KDM6A: variants seen among roughly 807,000 people sequenced by gnomAD.
KDM6A encodes lysine demethylase 6A, also known as lysine-specific demethylase 6A.
A neutral mutation model predicts 117.6 loss-of-function variants in KDM6A; 11 were observed. The ratio of observed to expected loss-of-function variants is 0.09; its 90% CI spans 0.06 to 0.15. The LOEUF is 0.15. KDM6A is among the 10% of genes least tolerant of loss of function. KDM6A has a pLI of 1.00. For synonymous variants in KDM6A, 384 were observed against 396.1 expected, an observed-to-expected ratio of 0.97 and a Z score of 0.36; for missense variants, 799 against 1,077.3, an observed-to-expected ratio of 0.74 and a Z score of 3.62.
At chrX:44,893,419 T>A (rs1419325685) in intron 2 of KDM6A, among the ~76,000 whole-genome samples, 2 of 111,640 alleles carry the variant, frequency 1.8e-5, no homozygotes, top group Non-Finnish European at 3.8e-5. Context: ...ATTTTAAATG[T>A]AAATTTCCAG....
rs2031164445 is a variant in KDM6A, at chrX:44,874,001, G to T, written c.225+14G>T. ...CTACTGGGCAAGGTAAGGCAGCTGC[G>T]AGTCGGAGCGCGGACACCGTCTCCC... On this transcript the variant is annotated intron_variant, in intron 2 of 29. Transcript: ENST00000611820. The T allele has an allele frequency of 8.3e-7, 1 of 1,201,659 alleles. No individual in the cohort carries two copies. Among genetic ancestry groups the T allele is most frequent in the East Asian group, 3.0e-5 (1 of 33,627 alleles).
chrX:44,884,465 G>C (rs747296994), intron 2 of KDM6A, among the ~76,000 whole-genome samples: 15 of 111,745 alleles, frequency 1.3e-4, no homozygotes, highest in African/African-American at 4.5e-4. Context: ...TGATCCTTGG[G>C]CAAGCAAGCA....
At chrX:45,040,843 C>T (rs1258831518) in intron 8 of KDM6A, among the ~76,000 whole-genome samples, 12 of 82,354 alleles carry the variant, frequency 1.5e-4, no homozygotes, top group Admixed American at 3.5e-4. Flanking sequence ...ACCTCCCTCC[C>T]GGACTGGGCG....
At chrX:45,083,079 C>T (rs777229383) in intron 23 of KDM6A, among the ~76,000 whole-genome samples, 1 of 110,482 alleles carries the variant, frequency 9.1e-6, no homozygotes, top group South Asian at 3.8e-4. Context: ...TTGTGAGCCA[C>T]TGCACCCTGC....
chrX:45,104,221 T>G (rs1422932552), intron 27 of KDM6A, among the ~76,000 whole-genome samples: 3 of 111,562 alleles, frequency 2.7e-5, no homozygotes, highest in African/African-American at 9.8e-5. Flanking sequence ...ACGGGGTTTC[T>G]CCATGTTGGT....
At chrX:44,874,108 G>T (rs1030129368) in intron 2 of KDM6A, 121 bp downstream of exon 2, 1 of 650,349 alleles carries the variant, frequency 1.5e-6, no homozygotes, top group East Asian at 3.5e-5. Flanking sequence ...GGGGCTTCCG[G>T]AAACTATTTC....
chrX:44,940,640 C>A lies in KDM6A; in HGVS notation c.226-20644C>A, dbSNP rs940082170. On this transcript the variant is annotated intron_variant, in intron 2 of 29. Coordinates refer to ENST00000611820, the MANE Select transcript of KDM6A (RefSeq NM_001291415.2). Reference sequence around the variant, plus strand: ...AGACATATTTTGTCATTCATTCTTTCGAGTCAAAGTGATGCTCCATGAAAA... The same window carrying A: ...AGACATATTTTGTCATTCATTCTTTAGAGTCAAAGTGATGCTCCATGAAAA... Among the ~76,000 whole-genome samples, 284 of 111,771 alleles carry A rather than the reference C, an allele frequency of 2.5e-3. 2 individuals carry two copies. The highest frequency in any genetic ancestry group is 9.1e-3 in the African/African-American group (280 of 30,791).
intron 2 of KDM6A, among the ~76,000 whole-genome samples, chrX:44,921,980 T>C (rs184594291): frequency 9.6e-6 from 1 of 104,377 alleles, no homozygotes; most frequent in East Asian, 3.0e-4. Flanking sequence ...GTTTTTTTAA[T>C]TTTAGTCATT....
Position 44,932,883 on chromosome X carries a change from TTTTC to T in KDM6A, c.226-28393_226-28390del, listed in dbSNP as rs1225766570. Among the ~76,000 whole-genome samples the T allele has an allele frequency of 2.8e-5, 3 of 105,592 alleles. No individual in the cohort carries two copies. The Admixed American group carries it at 3.0e-4, about 11-fold the overall frequency. 91.7% of individuals were successfully genotyped at this position (105,592 alleles called of 115,157 possible). A position where few individuals can be genotyped will look rare whatever the true frequency, so the allele number is the denominator to read the frequency against. On this transcript the variant is annotated intron_variant, in intron 2 of 29. Coordinates refer to ENST00000611820, the MANE Select transcript of KDM6A (RefSeq NM_001291415.2). ...TTTGGTATTTGCTTCTGTATTTCTT[TTTTC>T]TTTCTTTTTTTTTTTTTGAGATGGA...
chrX:44,970,409 A>AT (rs1429475693), intron 3 of KDM6A, among the ~76,000 whole-genome samples: 1 of 110,869 alleles, frequency 9.0e-6, no homozygotes, highest in Non-Finnish European at 1.9e-5. Context: ...TTTCTCTTTA[A>AT]TTTTTTATTT....
intron 27 of KDM6A, among the ~76,000 whole-genome samples, chrX:45,093,411 A>C (rs935151222): frequency 2.8e-4 from 31 of 109,249 alleles, no homozygotes; most frequent in African/African-American, 1.0e-3. Context: ...CAAAAAAAAA[A>C]CGGATCTAAT....
At chrX:44,965,835 T>C (rs1437244964) in intron 3 of KDM6A, among the ~76,000 whole-genome samples, 1 of 112,534 alleles carries the variant, frequency 8.9e-6, no homozygotes, top group Non-Finnish European at 1.9e-5. Flanking sequence ...ACAGGGTTGC[T>C]GTGAGCCTTC....
chrX:44,873,373 G>GCCGCCGCCGCCGCCGCCTTCA lies in KDM6A; in HGVS notation c.-165_-164insGCCTTCACCGCCGCCGCCGCC. The GCCGCCGCCGCCGCCGCCTTCA allele has an allele frequency of 1.5e-6, 1 of 653,629 alleles. No individual in the cohort carries two copies. Among genetic ancestry groups the GCCGCCGCCGCCGCCGCCTTCA allele is most frequent in the Non-Finnish European group, 2.2e-6 (1 of 449,618 alleles). The allele number at this position is 653,629 out of a possible 1,213,427, so 53.9% of individuals were successfully genotyped here. On this transcript the variant is annotated 5_prime_UTR_variant, in exon 1 of 30. Transcript: ENST00000611820. ...ACCCGGGGGCTCCGCAGCCCCTGCCGCCGCCGCCGCCGCCTTCACCGCCGC... is the reference window on the plus strand; with the variant it reads ...ACCCGGGGGCTCCGCAGCCCCTGCCGCCGCCGCCGCCGCCGCCTTCACCGCCGCCGCCGCCTTCACCGCCGC...
chrX:45,061,475 A>G lies in KDM6A; in HGVS notation c.1581+56A>G, dbSNP rs1251974241. ...TTAAAAAGGAGTAGAGGTAGCAAAC[A>G]AGTATTAATTTTTTTTTTTTTTTTT... is the stretch of plus-strand genomic sequence containing the variant. On this transcript the variant is annotated intron_variant, in intron 15 of 29. Transcript: ENST00000611820. 10 of 521,488 alleles carry G rather than the reference A, an allele frequency of 1.9e-5. 1 individual carries two copies. Among genetic ancestry groups the G allele is most frequent in the Non-Finnish European group, 3.1e-5 (10 of 327,614 alleles). The allele number at this position is 521,488 out of a possible 1,213,427, so 43.0% of individuals were successfully genotyped here.
chrX:45,005,060 A>T (rs1444624290), intron 4 of KDM6A, among the ~76,000 whole-genome samples: 1 of 110,891 alleles, frequency 9.0e-6, no homozygotes, highest in East Asian at 2.8e-4. Flanking sequence ...CAAAGGGAAG[A>T]GGGTTGGGCC....
intron 4 of KDM6A, among the ~76,000 whole-genome samples, chrX:45,008,629 T>G (rs1489287783): frequency 9.0e-6 from 1 of 110,887 alleles, no homozygotes; most frequent in Non-Finnish European, 1.9e-5. Flanking sequence ...CCCTCTAGAT[T>G]GCATACTTCT....
rs56098621 is a variant in KDM6A at position 44,933,260 on chromosome X, ATTTTTTTTTTT to A, written c.226-28009_226-27999del. On this transcript the variant is annotated intron_variant, in intron 2 of 29. Transcript: ENST00000611820. ...TTCTCTTCCCTCACAGTTTATGTTG[ATTTTTTTTTTT>A]TTTTTTTTTTTTTTGAGACGGAGTC... 4.7e-4 allele frequency among the ~76,000 whole-genome samples: 17 copies of A among 36,537 alleles called. No homozygotes were observed. The South Asian group carries it at 0.022, about 47-fold the overall frequency. The allele number at this position is 36,537 out of a possible 115,157, so 31.7% of individuals were successfully genotyped here. A position where few individuals can be genotyped will look rare whatever the true frequency, so the allele number is the denominator to read the frequency against.
At chrX:44,875,284 G>A (rs2031388194) in intron 2 of KDM6A, among the ~76,000 whole-genome samples, 1 of 112,081 alleles carries the variant, frequency 8.9e-6, no homozygotes. Context: ...TTTGTCTGTA[G>A]CTTGGTTTCG....
At chrX:44,916,202 G>A (rs1019127662) in intron 2 of KDM6A, among the ~76,000 whole-genome samples, 9 of 110,913 alleles carry the variant, frequency 8.1e-5, no homozygotes, top group African/African-American at 2.9e-4. Flanking sequence ...CTGTGAATAA[G>A]GGGGACTACT....
Sources: gnomAD v4.1 joint callset for allele counts (sites outside exome capture counted in the v4.1 genomes callset) on GRCh38, gnomAD v4.1.1 for gene constraint, MANE v1.5 for transcripts, NCBI Gene and HGNC (gene_info 2026-07-23, HGNC 2026-07-21) for gene names.